FREM2: variants seen among roughly 807,000 people sequenced by gnomAD.
FREM2 encodes FRAS1 related extracellular matrix 2.
Under a neutral mutation model 219.9 loss-of-function variants are expected in FREM2, and 119 were observed. The observed-to-expected ratio is 0.54, with a 90% CI of 0.47 to 0.63. The LOEUF is 0.63. Among genes scored for constraint, FREM2 ranks in the 30% least tolerant of loss-of-function variants. The probability of loss-of-function intolerance (pLI) is 0.00; values close to 1 mark genes in which losing one functional copy is unlikely to be tolerated. For synonymous variants in FREM2, 1,562 were observed against 1,522.8 expected (o/e 1.03, Z -0.60); for missense variants, 4,030 against 3,993.6 (o/e 1.01, Z -0.25).
intron 4 of FREM2, among the ~76,000 whole-genome samples, chr13:38,778,537 T>G (rs1206947127): frequency 1.3e-5 from 2 of 152,092 alleles, no homozygotes; most frequent in Non-Finnish European, 1.5e-5. Flanking sequence ...GGATTAGGGC[T>G]TCAACATATA....
At chr13:38,858,534 A>T (rs1451126526) in intron 13 of FREM2, among the ~76,000 whole-genome samples, 1 of 152,230 alleles carries the variant, frequency 6.6e-6, no homozygotes, top group Non-Finnish European at 1.5e-5. Flanking sequence ...CTAGAAAAAA[A>T]TAGCATAAGA....
intron 2 of FREM2, among the ~76,000 whole-genome samples, chr13:38,759,528 G>A (rs2137804089): frequency 6.6e-6 from 1 of 152,132 alleles, no homozygotes; most frequent in East Asian, 1.9e-4. Context: ...GTTCAAAAGA[G>A]GTCTTTTCAT....
chr13:38,759,068 C>T (rs1255820973), intron 2 of FREM2, among the ~76,000 whole-genome samples: 1 of 152,044 alleles, frequency 6.6e-6, no homozygotes, highest in African/African-American at 2.4e-5. Context: ...TCTAATTTCC[C>T]CAATAAGGTA....
At chr13:38,813,561 CTCTATATATATATATATATATA>C (rs1875626927) in intron 6 of FREM2, among the ~76,000 whole-genome samples, 2 of 5,570 alleles carry the variant, frequency 3.6e-4, no homozygotes, top group African/African-American at 1.1e-3. Context: ...CTCTCTCTCT[CTCTATATATATATATATATATA>C]TATATATATC....
rs1566133628 is a variant in FREM2 at position 38,764,351 on chromosome 13, A to G, written c.5311A>G (p.Ile1771Val). 1.9e-6 allele frequency: 3 copies of G among 1,609,054 alleles called. No homozygotes were observed. The highest frequency in any genetic ancestry group is 2.6e-6 in the Non-Finnish European group (3 of 1,175,540). ...GAATTTTCGTCTGAATTGGGCATGG[A>G]TCTCCTTTGAAAAGGAATATTACCT... ...YQNFRLNWAW[I>V]SFEKEYYLVN... The change falls in exon 3 of 24, where the codon ATC becomes GTC. Residue 1771 changes from isoleucine to valine, a missense_variant. Around this residue, in one of 2 missense-constraint regions of FREM2, gnomAD observed 3,102 missense variants for 2,950.7 expected, o/e 1.05. Transcript: ENST00000280481.
chr13:38,822,905 C>T (rs1876123526), intron 6 of FREM2, among the ~76,000 whole-genome samples: 2 of 152,054 alleles, frequency 1.3e-5, no homozygotes, highest in African/African-American at 2.4e-5. Flanking sequence ...ATGGAAGACA[C>T]AATGATTTTG....
In FREM2 at chr13:38,689,303, G is replaced by C; in HGVS notation, c.1959G>C (p.Leu653=). ...AGCAGGACATAACAGAGGGCAGGCTGTTCTATAGACACTCTGGGCCCCATA... is the reference window on the plus strand; with the variant it reads ...AGCAGGACATAACAGAGGGCAGGCTCTTCTATAGACACTCTGGGCCCCATA... ...WQQQDITEGR[L]FYRHSGPHSP... Residue 653 remains leucine, a synonymous_variant, in exon 1 of 24, where the codon CTG becomes CTC. Coordinates refer to ENST00000280481, the MANE Select transcript of FREM2 (RefSeq NM_207361.6). The C allele has an allele frequency of 6.2e-7, 1 of 1,614,146 alleles. No individual in the cohort carries two copies. Among genetic ancestry groups the C allele is most frequent in the Non-Finnish European group, 8.5e-7 (1 of 1,180,024 alleles).
intron 2 of FREM2, among the ~76,000 whole-genome samples, chr13:38,741,896 C>G (rs1209116732): frequency 6.6e-6 from 1 of 152,092 alleles, no homozygotes; most frequent in Non-Finnish European, 1.5e-5. Flanking sequence ...GAGAAAAAGA[C>G]ACTGAGGCTT....
intron 2 of FREM2, among the ~76,000 whole-genome samples, chr13:38,741,568 C>T (rs549022760): frequency 8.5e-5 from 13 of 152,176 alleles, no homozygotes; most frequent in Admixed American, 3.3e-4. Context: ...TTGTTAGGAG[C>T]GAATTAAGGT....
intron 3 of FREM2, among the ~76,000 whole-genome samples, chr13:38,766,452 G>A (rs80212708): frequency 0.021 from 3,214 of 152,180 alleles, 147 homozygotes; most frequent in African/African-American, 0.074. Flanking sequence ...AGATGGTAAC[G>A]GAATTCATGC....
chr13:38,846,557 G>C lies in FREM2; in HGVS notation c.6020-16G>C, dbSNP rs372057690. ...AATAAAAATAACAGAAATGATTTCTGTTCCTTTCTTAACAGAACCCATCTT... is the reference window on the plus strand; with the variant it reads ...AATAAAAATAACAGAAATGATTTCTCTTCCTTTCTTAACAGAACCCATCTT... On this transcript the variant is annotated splice_polypyrimidine_tract_variant and intron_variant, in intron 6 of 23. Coordinates refer to ENST00000280481, the MANE Select transcript of FREM2 (RefSeq NM_207361.6). 3 of 1,612,336 alleles carry C rather than the reference G, an allele frequency of 1.9e-6. No homozygotes were observed. The highest frequency in any genetic ancestry group is 2.5e-6 in the Non-Finnish European group (3 of 1,178,910).
At chr13:38,826,918 G>T (rs1734118335) in intron 6 of FREM2, among the ~76,000 whole-genome samples, 1 of 151,940 alleles carries the variant, frequency 6.6e-6, no homozygotes, top group Non-Finnish European at 1.5e-5. Context: ...TTTTAATTAA[G>T]AAATTTATCC....
chr13:38,705,968 C>T (rs903065514), intron 2 of FREM2, among the ~76,000 whole-genome samples: 1 of 152,138 alleles, frequency 6.6e-6, no homozygotes, highest in African/African-American at 2.4e-5. Flanking sequence ...TGTAGTGCAA[C>T]GTTTCAATGC....
chr13:38,687,205 G>T lies in FREM2; in HGVS notation c.-140G>T. 1 of 1,240,226 alleles carries T rather than the reference G, an allele frequency of 8.1e-7. No individual in the cohort carries two copies. The allele number at this position is 1,240,226 out of a possible 1,614,324, so 76.8% of individuals were successfully genotyped here. A position where few individuals can be genotyped will look rare whatever the true frequency, so the allele number is the denominator to read the frequency against. ...CGCCGCGCAACTTTGCCATCCTTCT[G>T]GCCCAGCCCCGGCTACAGGAGGACC... is the stretch of plus-strand genomic sequence containing the variant. On this transcript the variant is annotated 5_prime_UTR_variant, in exon 1 of 24. Coordinates refer to ENST00000280481, the MANE Select transcript of FREM2 (RefSeq NM_207361.6).
chr13:38,775,803 G>A (rs971666120), intron 4 of FREM2, among the ~76,000 whole-genome samples: 4 of 152,106 alleles, frequency 2.6e-5, no homozygotes, highest in African/African-American at 7.2e-5. Flanking sequence ...ATTTTTAGTA[G>A]AAACGGGGTT....
In FREM2 at chr13:38,880,445, G is replaced by T; in HGVS notation, c.9168G>T (p.Arg3056Ser). 2 of 1,614,112 alleles carry T rather than the reference G, an allele frequency of 1.2e-6. No homozygotes were observed. The highest frequency in any genetic ancestry group is 1.7e-6 in the Non-Finnish European group (2 of 1,180,020). ...AGAGCCGGAAGAAGAGAGAGATCAG[G>T]AGCACACCCTCACTGGCATGGGAGA... ...TTKSRKKREI[R>S]STPSLAWEIG... The change falls in exon 24 of 24, where the codon AGG becomes AGT. Residue 3056 changes from arginine to serine, a missense_variant. This residue lies in a region of FREM2 where 928 missense variants were observed against 1,042.9 expected (regional missense o/e 0.89). Coordinates refer to ENST00000280481, the MANE Select transcript of FREM2 (RefSeq NM_207361.6).
Position 38,690,370 on chromosome 13 carries a change from T to C in FREM2, c.3026T>C (p.Ile1009Thr), listed in dbSNP as rs775245636. 26 of 1,614,066 alleles carry C rather than the reference T, an allele frequency of 1.6e-5. No individual in the cohort carries two copies. The Admixed American group carries it at 4.3e-4, about 27-fold the overall frequency. ...IPAEQFTQRD[I>T]LEGSVVYTHT... ...GCAGAGCAGTTTACTCAAAGGGACA[T>C]CTTGGAGGGCTCTGTTGTATATACC... is the stretch of plus-strand genomic sequence containing the variant. Residue 1009 changes from isoleucine (I) to threonine (T), a missense_variant, in exon 1 of 24, where the codon ATC (isoleucine) becomes ACC (threonine). By Grantham distance (89) the Ile-to-Thr change is moderately conservative. Transcript: ENST00000280481.
intron 6 of FREM2, chr13:38,827,413 G>A (rs1240635585): frequency 3.3e-5 from 5 of 152,064 alleles, no homozygotes; most frequent in Non-Finnish European, 5.9e-5. Flanking sequence ...TCACATACCT[G>A]ATGAGATTTA....
At chr13:38,722,715 A>C (rs1365303748) in intron 2 of FREM2, among the ~76,000 whole-genome samples, 1 of 151,146 alleles carries the variant, frequency 6.6e-6, no homozygotes, top group Non-Finnish European at 1.5e-5. Flanking sequence ...TAAGGATAAA[A>C]ATAATCAAGC....
Sources: gnomAD v4.1 joint callset for allele counts (sites outside exome capture counted in the v4.1 genomes callset) on GRCh38, gnomAD v4.1.1 for gene constraint, gnomAD v4.1.1 regional missense constraint, MANE v1.5 for transcripts, NCBI Gene and HGNC (gene_info 2026-07-23, HGNC 2026-07-21) for gene names.